KCNQ1OT1: variants seen among roughly 807,000 people sequenced by gnomAD.
KCNQ1OT1 encodes the protein KCNQ1 opposite strand/antisense transcript 1, also known as KCNQ1 antisense RNA 2 (non-protein coding).
Position 2,669,902 on chromosome 11 carries a change from G to A in KCNQ1OT1, n.30093C>T. On this transcript the variant is annotated non_coding_transcript_exon_variant, in exon 1 of 1. Transcript: ENST00000597346. The surrounding 1 kb of genome is among the most constrained non-coding windows in gnomAD (Gnocchi z 5.6). ...CTGTCCTTAATAAGATGTGCCTAGA[G>A]GCCTGAGAGTCCCAAGCTCCAGGAC... The A allele has an allele frequency of 2.5e-6, 1 of 398,598 alleles. No individual in the cohort carries two copies. The highest frequency in any genetic ancestry group is 2.1e-5 in the African/African-American group (1 of 48,726). The allele number at this position is 398,598 out of a possible 1,614,324, so 24.7% of individuals were successfully genotyped here. A position where few individuals can be genotyped will look rare whatever the true frequency, so the allele number is the denominator to read the frequency against.
chr11:2,672,070 CT>C (rs996945383), exon 1 of KCNQ1OT1: 1 of 398,574 alleles, frequency 2.5e-6, no homozygotes, highest in African/African-American at 2.1e-5. Context: ...CCCCTGGTCC[CT>C]GGTCTGGACT....
In KCNQ1OT1 at chr11:2,691,867, TC is replaced by T; in HGVS notation, n.8127del. Reference sequence around the variant, plus strand: ...ACCCCTAGGTCCTCTTTTCCATCCCTCCAGTTCTCCTGGCTTTCTTGCCATC... The same window carrying T: ...ACCCCTAGGTCCTCTTTTCCATCCCTCAGTTCTCCTGGCTTTCTTGCCATC... On this transcript the variant is annotated non_coding_transcript_exon_variant, in exon 1 of 1. Coordinates refer to ENST00000597346, the Ensembl canonical transcript of KCNQ1OT1. This position sits in a 1 kb window ranked among gnomAD's most constrained non-coding sequence, Gnocchi z 6.4. 1 of 398,718 alleles carries T rather than the reference TC, an allele frequency of 2.5e-6. No homozygotes were observed. The highest frequency in any genetic ancestry group is 4.4e-6 in the Non-Finnish European group (1 of 226,136). 24.7% of individuals were successfully genotyped at this position (398,718 alleles called of 1,614,324 possible).
At chr11:2,615,819 G>T (rs753903516) in exon 1 of KCNQ1OT1, 1 of 397,974 alleles carries the variant, frequency 2.5e-6, no homozygotes, top group Non-Finnish European at 4.4e-6. Flanking sequence ...TTAGTATCTA[G>T]TTTGTCTTTT....
rs1849683758 is a variant in KCNQ1OT1 at position 2,647,444 on chromosome 11, G to C, written n.52551C>G. On this transcript the variant is annotated non_coding_transcript_exon_variant, in exon 1 of 1. Coordinates refer to ENST00000597346, the Ensembl canonical transcript of KCNQ1OT1. The surrounding 1 kb of genome is among the most constrained non-coding windows in gnomAD (Gnocchi z 4.0). ...GCATCTATGTTCATCAGGGAGATTG[G>C]CCTGTAGTTTTCTTTTTTGCTGTTA... The C allele has an allele frequency of 5.0e-6, 2 of 398,302 alleles. No homozygotes were observed. Among genetic ancestry groups the C allele is most frequent in the Non-Finnish European group, 8.8e-6 (2 of 226,022 alleles). The allele number at this position is 398,302 out of a possible 1,614,324, so 24.7% of individuals were successfully genotyped here.
In KCNQ1OT1 at chr11:2,690,037, G is replaced by GCCTCTCCTCC. The variant is rs1850562856; in HGVS notation, n.9948_9957dup. ...GGTGAGCCTTCCGAGGGCCAGCCCT[G>GCCTCTCCTCC]CCTCTCCTCCCCTCTCCTAGCCTGC... On this transcript the variant is annotated non_coding_transcript_exon_variant, in exon 1 of 1. Transcript: ENST00000597346. This position sits in a 1 kb window ranked among gnomAD's most constrained non-coding sequence, Gnocchi z 5.1. The GCCTCTCCTCC allele has an allele frequency of 2.3e-5, 9 of 399,022 alleles. No homozygotes were observed. The East Asian group carries it at 3.2e-4, about 14-fold the overall frequency. 24.7% of individuals were successfully genotyped at this position (399,022 alleles called of 1,614,324 possible).
exon 1 of KCNQ1OT1, chr11:2,667,806 C>T (rs968429914): frequency 5.0e-6 from 2 of 398,546 alleles, no homozygotes; most frequent in African/African-American, 4.1e-5. Context: ...ACCTGGGCTA[C>T]CCTGGTATAG....
In KCNQ1OT1 at chr11:2,661,846, C is replaced by T; in HGVS notation, n.38149G>A. 2.9e-6 allele frequency: 4 copies of T among 1,366,636 alleles called. No individual in the cohort carries two copies. Among genetic ancestry groups the T allele is most frequent in the Non-Finnish European group, 4.2e-6 (4 of 961,930 alleles). 84.7% of individuals were successfully genotyped at this position (1,366,636 alleles called of 1,614,324 possible). A position where few individuals can be genotyped will look rare whatever the true frequency, so the allele number is the denominator to read the frequency against. On this transcript the variant is annotated non_coding_transcript_exon_variant, in exon 1 of 1. Coordinates refer to ENST00000597346, the Ensembl canonical transcript of KCNQ1OT1. The surrounding 1 kb of genome is among the most constrained non-coding windows in gnomAD (Gnocchi z 5.9). ...ATAAAACTGATTGTCAGGGCTGGAG[C>T]TTCCAGGCACAAGCTCCACTCCTCA...
chr11:2,618,334 T>A, exon 1 of KCNQ1OT1: 1 of 398,588 alleles, frequency 2.5e-6, no homozygotes, highest in Non-Finnish European at 4.4e-6. Flanking sequence ...AATTCAATGT[T>A]TTAACAAAGT....
In KCNQ1OT1 at chr11:2,652,971, C is replaced by A. The variant is rs1031354248; in HGVS notation, n.47024G>T. 2.3e-5 allele frequency: 9 copies of A among 398,544 alleles called. No homozygotes were observed. Among genetic ancestry groups the A allele is most frequent in the Non-Finnish European group, 3.5e-5 (8 of 226,088 alleles). The allele number at this position is 398,544 out of a possible 1,614,324, so 24.7% of individuals were successfully genotyped here. On this transcript the variant is annotated non_coding_transcript_exon_variant, in exon 1 of 1. Transcript: ENST00000597346. The surrounding 1 kb of genome is among the most constrained non-coding windows in gnomAD (Gnocchi z 5.9). ...GACTTCTCAGGATTCCGGAAGTCAT[C>A]TTTGACTGTGTCACATCACTGTCAT...
In KCNQ1OT1 at chr11:2,637,103, C is replaced by T. The variant is rs1348795442; in HGVS notation, n.62892G>A. 5.9e-5 allele frequency: 9 copies of T among 152,206 alleles called. No individual in the cohort carries two copies. In the East Asian group the frequency reaches 1.5e-3, roughly 26 times the overall value. 9.4% of individuals were successfully genotyped at this position (152,206 alleles called of 1,614,324 possible). On this transcript the variant is annotated non_coding_transcript_exon_variant, in exon 1 of 1. Coordinates refer to ENST00000597346, the Ensembl canonical transcript of KCNQ1OT1. ...TTTATTAGTCTTGCTAGAGGCCTATCAATTTTGTTGATCTTTTCAAAAAAA... is the reference window on the plus strand; with the variant it reads ...TTTATTAGTCTTGCTAGAGGCCTATTAATTTTGTTGATCTTTTCAAAAAAA...
chr11:2,630,413 A>G (rs992323516), exon 1 of KCNQ1OT1: 1 of 398,190 alleles, frequency 2.5e-6, no homozygotes, highest in Admixed American at 4.4e-5. Flanking sequence ...TATGAGGGCA[A>G]TGCTAGCCTT....
chr11:2,628,301 A>T (rs571300481), exon 1 of KCNQ1OT1: 6 of 398,540 alleles, frequency 1.5e-5, no homozygotes, highest in African/African-American at 1.2e-4. Flanking sequence ...AACACTTGCT[A>T]TCTTTTGACT....
At chr11:2,641,083 C>T (rs933589196) in exon 1 of KCNQ1OT1, 2 of 398,316 alleles carry the variant, frequency 5.0e-6, no homozygotes, top group Admixed American at 4.4e-5. Context: ...CACTTAGGTT[C>T]CTGAGTCCAT....
chr11:2,621,411 A>T lies in KCNQ1OT1; in HGVS notation n.78584T>A. The T allele has an allele frequency of 2.5e-6, 1 of 398,550 alleles. No homozygotes were observed. The highest frequency in any genetic ancestry group is 4.4e-6 in the Non-Finnish European group (1 of 226,034). The allele number at this position is 398,550 out of a possible 1,614,324, so 24.7% of individuals were successfully genotyped here. ...TGGATTATTCGTTTTTTGCTTGTTG[A>T]TTGGTTTAAGTTCCTTATGGATTCT... On this transcript the variant is annotated non_coding_transcript_exon_variant, in exon 1 of 1. Transcript: ENST00000597346. This position sits in a 1 kb window ranked among gnomAD's most constrained non-coding sequence, Gnocchi z 5.7.
chr11:2,635,063 T>C (rs961274803), exon 1 of KCNQ1OT1: 6 of 152,236 alleles, frequency 3.9e-5, no homozygotes, highest in African/African-American at 9.6e-5. Flanking sequence ...TTGAGTTCTT[T>C]GTAGATTCTG....
exon 1 of KCNQ1OT1, chr11:2,667,110 C>A (rs547811942): frequency 5.0e-6 from 2 of 398,646 alleles, no homozygotes; most frequent in African/African-American, 4.1e-5. Flanking sequence ...AAAACCGAGG[C>A]GTAATGGCTC....
chr11:2,615,352 C>T (rs1052710332), exon 1 of KCNQ1OT1: 44 of 397,940 alleles, frequency 1.1e-4, no homozygotes, highest in African/African-American at 8.0e-4. Context: ...AAGAGTTTTA[C>T]TGCTTCCTTT....
chr11:2,659,452 T>G lies in KCNQ1OT1; in HGVS notation n.40543A>C. 2.5e-6 allele frequency: 1 copy of G among 398,620 alleles called. No homozygotes were observed. Among genetic ancestry groups the G allele is most frequent in the Non-Finnish European group, 4.4e-6 (1 of 226,044 alleles). The allele number at this position is 398,620 out of a possible 1,614,324, so 24.7% of individuals were successfully genotyped here. A position where few individuals can be genotyped will look rare whatever the true frequency, so the allele number is the denominator to read the frequency against. Reference sequence around the variant, plus strand: ...AAATCATTAGTTAATTTCTTTTTATTGCTGGGTGGTATTCCATTGCATGAA... The same window carrying G: ...AAATCATTAGTTAATTTCTTTTTATGGCTGGGTGGTATTCCATTGCATGAA... On this transcript the variant is annotated non_coding_transcript_exon_variant, in exon 1 of 1. Coordinates refer to ENST00000597346, the Ensembl canonical transcript of KCNQ1OT1. This position sits in a 1 kb window ranked among gnomAD's most constrained non-coding sequence, Gnocchi z 4.3.
rs1590019735 is a variant in KCNQ1OT1 at position 2,668,061 on chromosome 11, G to A, written n.31934C>T. ...TTTGCCCACATTTGAACTTTATGCG[G>A]TGGGAATGATGCAACTCATACACCT... On this transcript the variant is annotated non_coding_transcript_exon_variant, in exon 1 of 1. Transcript: ENST00000597346. The surrounding 1 kb of genome is among the most constrained non-coding windows in gnomAD (Gnocchi z 4.3). 5.0e-6 allele frequency: 2 copies of A among 398,604 alleles called. No individual in the cohort carries two copies. The highest frequency in any genetic ancestry group is 8.8e-5 in the Admixed American group (2 of 22,734). 24.7% of individuals were successfully genotyped at this position (398,604 alleles called of 1,614,324 possible).
Sources: allele counts gnomAD v4.1 joint callset, GRCh38; gene constraint gnomAD v4.1.1; non-coding constraint Gnocchi (gnomAD v3.1); transcripts MANE v1.5; gene names NCBI Gene and HGNC (gene_info 2026-07-23, HGNC 2026-07-21).